Variants in SEMA3D observed in about 807,000 individuals in gnomAD.
SEMA3D encodes semaphorin-3D.
In SEMA3D, 84 loss-of-function variants were observed where a neutral mutation model predicts 100.1. The observed-to-expected ratio is 0.84, with a 90% confidence interval of 0.70 to 1.01. The LOEUF is 1.01. Among genes scored for constraint, SEMA3D ranks in the 50% least tolerant of loss-of-function variants. The pLI, the probability that SEMA3D is intolerant of heterozygous loss-of-function variation, is 0.00. For missense variants in SEMA3D, 875 were observed against 934.1 expected (o/e 0.94, Z 0.82); for synonymous variants, 312 against 320.7 (o/e 0.97, Z 0.29).
At chr7:85,129,476 T>C (rs1380516082) in intron 2 of SEMA3D, among the ~76,000 whole-genome samples, 2 of 152,098 alleles carry the variant, frequency 1.3e-5, no homozygotes, top group Non-Finnish European at 2.9e-5. Flanking sequence ...TTAATACATA[T>C]CTTATCAGAC....
intron 2 of SEMA3D, among the ~76,000 whole-genome samples, chr7:85,137,885 T>C (rs1007085363): frequency 6.6e-6 from 1 of 152,112 alleles, no homozygotes; most frequent in Non-Finnish European, 1.5e-5. Flanking sequence ...GATCCAACCT[T>C]ATCCAAAAAA....
At chr7:85,172,003 TAG>T (rs1020608034) in intron 1 of SEMA3D, among the ~76,000 whole-genome samples, 2 of 151,434 alleles carry the variant, frequency 1.3e-5, no homozygotes, top group African/African-American at 4.8e-5. Flanking sequence ...ATAATATATA[TAG>T]AGAGAGACAC....
intron 1 of SEMA3D, among the ~76,000 whole-genome samples, chr7:85,165,653 T>C (rs940406823): frequency 6.6e-6 from 1 of 152,110 alleles, no homozygotes; most frequent in African/African-American, 2.4e-5. Flanking sequence ...TTTCAATATC[T>C]GAGTACATAT....
the SEMA3D span, among the ~76,000 whole-genome samples, chr7:85,224,733 A>G: frequency 2.0e-5 from 3 of 152,040 alleles, no homozygotes; most frequent in Non-Finnish European, 2.9e-5. Flanking sequence ...ACCCTACAAT[A>G]CTAATAAACA....
intron 16 of SEMA3D, among the ~76,000 whole-genome samples, chr7:85,014,708 T>C (rs1422830393): frequency 6.6e-6 from 1 of 151,668 alleles, no homozygotes; most frequent in Non-Finnish European, 1.5e-5. Context: ...GGCATCAGTA[T>C]ATACATATTT....
the SEMA3D span, among the ~76,000 whole-genome samples, chr7:85,241,770 C>A: frequency 6.6e-6 from 1 of 151,324 alleles, no homozygotes; most frequent in East Asian, 2.0e-4. Flanking sequence ...AAATCACCAC[C>A]AAATAACTTA....
chr7:85,035,752 T>C (rs763831036), intron 12 of SEMA3D, among the ~76,000 whole-genome samples: 59 of 152,006 alleles, frequency 3.9e-4, no homozygotes, highest in Non-Finnish European at 5.9e-5. Context: ...TATCACATTA[T>C]TAAAAAGAGA....
chr7:85,121,879 T>C lies in SEMA3D; in HGVS notation c.13A>G (p.Lys5Glu). 6.3e-7 allele frequency: 1 copy of C among 1,576,130 alleles called. No homozygotes were observed. The highest frequency in any genetic ancestry group is 1.2e-5 in the South Asian group (1 of 86,340). Residue 5 changes from lysine to glutamate, a missense_variant, in exon 3 of 19, where the codon AAA becomes GAA. Coordinates refer to ENST00000284136, the MANE Select transcript of SEMA3D (RefSeq NM_001384900.1). Reference sequence around the variant, plus strand: ...CTTCTGGCTTTAAGTCTTTCATCTTTATTAGCATTCATGATGAAAACAATG... The same window carrying C: ...CTTCTGGCTTTAAGTCTTTCATCTTCATTAGCATTCATGATGAAAACAATG... MNAN[K>E]DERLKARSQD...
At chr7:85,235,735 C>T in the SEMA3D span, among the ~76,000 whole-genome samples, 1 of 152,008 alleles carries the variant, frequency 6.6e-6, no homozygotes, top group Non-Finnish European at 1.5e-5. Context: ...ATGTGTGTGT[C>T]AGAAGGTGAA....
chr7:85,104,497 T>C (rs780935173), intron 3 of SEMA3D, among the ~76,000 whole-genome samples: 40 of 152,194 alleles, frequency 2.6e-4, no homozygotes, highest in Non-Finnish European at 4.7e-4. Flanking sequence ...GTTCTAAAAA[T>C]AATTCTTTGT....
At chr7:85,101,142 C>T (rs1042918031) in intron 3 of SEMA3D, among the ~76,000 whole-genome samples, 11 of 151,848 alleles carry the variant, frequency 7.2e-5, no homozygotes, top group African/African-American at 1.7e-4. Flanking sequence ...TAATCTAAAG[C>T]CTTAACAAGA....
At chr7:85,014,412 T>G (rs1790040258) in intron 16 of SEMA3D, among the ~76,000 whole-genome samples, 1 of 151,864 alleles carries the variant, frequency 6.6e-6, no homozygotes, top group Admixed American at 6.6e-5. Context: ...ATAAACATTC[T>G]TGAACATATA....
intron 2 of SEMA3D, among the ~76,000 whole-genome samples, chr7:85,125,331 A>T (rs918620217): frequency 2.0e-5 from 3 of 152,090 alleles, no homozygotes; most frequent in Non-Finnish European, 4.4e-5. Flanking sequence ...TTGGCTATGC[A>T]TTGAGATACC....
At position 85,055,645 on chromosome 7, in the gene SEMA3D, CATATATATATATATATATATATATATAT is replaced by C. The variant is rs56131427; in HGVS notation, c.861+44_861+71del. The C allele has an allele frequency of 2.3e-4, 36 of 159,808 alleles. 7 individuals carry two copies. The highest frequency in any genetic ancestry group is 9.9e-4 in the South Asian group (4 of 4,028). 9.9% of individuals were successfully genotyped at this position (159,808 alleles called of 1,614,324 possible). ...AACCTTGCCAAAGTTTTTTCATATA[CATATATATATATATATATATATATATAT>C]ATATATATATATGTTTTAAGTAAAA... On this transcript the variant is annotated intron_variant, in intron 9 of 18. Transcript: ENST00000284136.
the SEMA3D span, among the ~76,000 whole-genome samples, chr7:85,228,353 T>A: frequency 6.6e-6 from 1 of 152,156 alleles, no homozygotes. Context: ...ATTTTCCGAA[T>A]GGTAATTTCA....
the SEMA3D span, among the ~76,000 whole-genome samples, chr7:85,213,985 T>C: frequency 6.6e-6 from 1 of 152,142 alleles, no homozygotes; most frequent in African/African-American, 2.4e-5. Flanking sequence ...TGTAAAAATG[T>C]CATACATTCA....
the SEMA3D span, among the ~76,000 whole-genome samples, chr7:85,242,341 C>A: frequency 6.6e-6 from 1 of 152,116 alleles, no homozygotes; most frequent in African/African-American, 2.4e-5. Flanking sequence ...GCTTTTACTG[C>A]ATTTCACAAA....
chr7:85,103,470 G>C (rs534374661), intron 3 of SEMA3D, among the ~76,000 whole-genome samples: 1 of 152,080 alleles, frequency 6.6e-6, no homozygotes, highest in African/African-American at 2.4e-5. Context: ...TGGGTAAAAG[G>C]GTGAGTGTGT....
At chr7:85,001,018 T>A (rs999102231) in intron 18 of SEMA3D, among the ~76,000 whole-genome samples, 1 of 152,150 alleles carries the variant, frequency 6.6e-6, no homozygotes, top group Non-Finnish European at 1.5e-5. Context: ...AGTGGGTGGA[T>A]TGTACTCTGC....
Sources: gnomAD v4.1 joint callset for allele counts (sites outside exome capture counted in the v4.1 genomes callset) on GRCh38, gnomAD v4.1.1 for gene constraint, MANE v1.5 for transcripts, NCBI Gene and HGNC (gene_info 2026-07-23, HGNC 2026-07-21) for gene names.